SLC18A2: variants seen among roughly 807,000 people sequenced by gnomAD.
SLC18A2 encodes solute carrier family 18 member A2.
SLC18A2 carries 33 observed loss-of-function variants against 59.2 expected under a neutral mutation model. The observed-to-expected ratio is 0.56, with a 90% CI of 0.42 to 0.75. The LOEUF is 0.75. Ranked by LOEUF, SLC18A2 falls within the 30% of genes least tolerant of loss-of-function variation. SLC18A2 has a pLI of 0.00. For synonymous variants in SLC18A2, 228 were observed against 253.5 expected (o/e 0.90, Z 0.95); for missense variants, 569 against 668.6 (o/e 0.85, Z 1.64).
At chr10:117,262,586 G>T (rs753286872) in intron 10 of SLC18A2, among the ~76,000 whole-genome samples, 1 of 151,946 alleles carries the variant, frequency 6.6e-6, no homozygotes, top group Non-Finnish European at 1.5e-5. Context: ...TTCAGGAGGC[G>T]CCCGCTGTCC....
intron 2 of SLC18A2, among the ~76,000 whole-genome samples, chr10:117,242,306 C>T (rs2619093): frequency 0.56 from 85,636 of 151,998 alleles, 26,849 homozygotes; most frequent in Middle Eastern, 0.69. Context: ...TTTCAGGAAC[C>T]ATTGCAAGAA....
rs374262508 is a variant in SLC18A2, at chr10:117,257,908, G to A, written c.991+16G>A. 26 of 1,571,586 alleles carry A rather than the reference G, an allele frequency of 1.7e-5. No homozygotes were observed. The Middle Eastern group carries it at 5.1e-4, about 31-fold the overall frequency. On this transcript the variant is annotated intron_variant, in intron 10 of 15. Transcript: ENST00000644641. Reference sequence around the variant, plus strand: ...TGGCAGCTGGGTAAGGACTGGGGTGGGCTCTTCTGATTCAAGAGCATTTGT... The same window carrying A: ...TGGCAGCTGGGTAAGGACTGGGGTGAGCTCTTCTGATTCAAGAGCATTTGT...
Position 117,269,210 on chromosome 10 carries a change from T to TAC in SLC18A2, c.1187-853_1187-852dup, listed in dbSNP as rs549020759. 0.059 allele frequency among the ~76,000 whole-genome samples: 6,005 copies of TAC among 101,792 alleles called. 378 individuals carry two copies. The highest frequency in any genetic ancestry group is 0.18 in the African/African-American group (5,513 of 31,294). 66.8% of individuals were successfully genotyped at this position (101,792 alleles called of 152,430 possible). On this transcript the variant is annotated intron_variant, in intron 13 of 15. Transcript: ENST00000644641. The surrounding 1 kb of genome is among the most constrained non-coding windows in gnomAD (Gnocchi z 5.1). ...ACACACACACCTACACACATACACA[T>TAC]ACACACACATACACAAATACAAGTA...
chr10:117,253,951 C>A (rs900682503), intron 4 of SLC18A2, 97 bp from the exon 5 acceptor site: 13 of 1,056,510 alleles, frequency 1.2e-5, no homozygotes, highest in Non-Finnish European at 1.7e-5. Context: ...CATGCAAATG[C>A]TCCACTGGGT....
intron 1 of SLC18A2, 31 bp from the exon 2 acceptor site, chr10:117,241,648 C>T: frequency 6.5e-7 from 1 of 1,530,406 alleles, no homozygotes; most frequent in African/African-American, 1.4e-5. Context: ...CCACGGCCGC[C>T]TTGGGTCCTC....
chr10:117,269,196 TAC>T lies in SLC18A2; in HGVS notation c.1187-869_1187-868del, dbSNP rs1288725767. Among the ~76,000 whole-genome samples the T allele has an allele frequency of 2.4e-4, 25 of 105,288 alleles. 2 individuals carry two copies. The highest frequency in any genetic ancestry group is 1.9e-3 in the Admixed American group (20 of 10,392). The allele number at this position is 105,288 out of a possible 152,430, so 69.1% of individuals were successfully genotyped here. A position where few individuals can be genotyped will look rare whatever the true frequency, so the allele number is the denominator to read the frequency against. On this transcript the variant is annotated intron_variant, in intron 13 of 15. Coordinates refer to ENST00000644641, the MANE Select transcript of SLC18A2 (RefSeq NM_003054.6). The surrounding 1 kb of genome is among the most constrained non-coding windows in gnomAD (Gnocchi z 5.1). ...ACATATACACACATACACACACACC[TAC>T]ACACATACACATACACACACATACA...
rs1844545086 is a variant in SLC18A2 at position 117,279,265 on chromosome 10, A to G, written c.*1999A>G. ...GTACATACCAGAACAAAGAACATAC[A>G]GCTCTCTGAACATTTATTTTTTGAA... On this transcript the variant is annotated 3_prime_UTR_variant, in exon 16 of 16. Transcript: ENST00000644641. 6.6e-6 allele frequency: 1 copy of G among 152,218 alleles called. No homozygotes were observed. Among genetic ancestry groups the G allele is most frequent in the South Asian group, 2.1e-4 (1 of 4,834 alleles). 9.4% of individuals were successfully genotyped at this position (152,218 alleles called of 1,614,324 possible). A position where few individuals can be genotyped will look rare whatever the true frequency, so the allele number is the denominator to read the frequency against.
At chr10:117,241,616 G>C in intron 1 of SLC18A2, 63 bp from the exon 2 acceptor site, 1 of 1,459,824 alleles carries the variant, frequency 6.9e-7, no homozygotes. Flanking sequence ...TCCGCGGCCT[G>C]GGGGACGGGA....
chr10:117,262,906 A>G (rs1348352735), intron 10 of SLC18A2, among the ~76,000 whole-genome samples: 1 of 152,114 alleles, frequency 6.6e-6, no homozygotes. Flanking sequence ...TTTTGTGCTC[A>G]TCCTCTTCAG....
In SLC18A2 at chr10:117,270,121, C is replaced by A. The variant is rs775593356; in HGVS notation, c.1237C>A (p.Arg413=). The A allele has an allele frequency of 6.2e-7, 1 of 1,614,016 alleles. No homozygotes were observed. The highest frequency in any genetic ancestry group is 8.5e-7 in the Non-Finnish European group (1 of 1,180,024). Reference sequence around the variant, plus strand: ...TATCATGGGCTACCTCGTAGACCTGCGGCACGTGTCCGTCTATGGGAGTGT... The same window carrying A: ...TATCATGGGCTACCTCGTAGACCTGAGGCACGTGTCCGTCTATGGGAGTGT... ...MPIMGYLVDL[R]HVSVYGSVYA... is the part of the protein sequence containing the mutation. Residue 413 remains arginine, a synonymous_variant, in exon 14 of 16, where the codon CGG becomes AGG. Coordinates refer to ENST00000644641, the MANE Select transcript of SLC18A2 (RefSeq NM_003054.6).
chr10:117,257,868 A>T lies in SLC18A2; in HGVS notation c.967A>T (p.Met323Leu), dbSNP rs1844247916. The T allele has an allele frequency of 1.2e-6, 2 of 1,611,810 alleles. No homozygotes were observed. The highest frequency in any genetic ancestry group is 2.2e-5 in the East Asian group (1 of 44,788). ...PALPIWMMET[M>L]CSRKWQLGVA... ...CCTGCCCATCTGGATGATGGAGACC[A>T]TGTGTTCCCGAAAGTGGCAGCTGGG... The change falls in exon 10 of 16, where the codon ATG becomes TTG. Residue 323 changes from methionine to leucine, a missense_variant. Met to Leu is a conservative substitution (Grantham distance 15). Around this residue, in one of 2 missense-constraint regions of SLC18A2, gnomAD observed 192 missense variants for 278.8 expected, o/e 0.69. Coordinates refer to ENST00000644641, the MANE Select transcript of SLC18A2 (RefSeq NM_003054.6).
In SLC18A2 at chr10:117,241,936, C is replaced by T. The variant is rs1053359428; in HGVS notation, c.121+122C>T. ...AGGCCCGGGAAAGTTGGAGAACTCG[C>T]TTTGCAAAAAAGACATCCCCTCCAG... On this transcript the variant is annotated intron_variant, in intron 2 of 15. Transcript: ENST00000644641. 8.5e-6 allele frequency: 9 copies of T among 1,062,054 alleles called. No homozygotes were observed. The African/African-American group carries it at 1.3e-4, about 16-fold the overall frequency. 65.8% of individuals were successfully genotyped at this position (1,062,054 alleles called of 1,614,324 possible). A position where few individuals can be genotyped will look rare whatever the true frequency, so the allele number is the denominator to read the frequency against.
At chr10:117,255,964 A>G (rs1446175204) in intron 9 of SLC18A2, among the ~76,000 whole-genome samples, 1 of 152,074 alleles carries the variant, frequency 6.6e-6, no homozygotes, top group African/African-American at 2.4e-5. Flanking sequence ...AAGCTTGCCC[A>G]CTGTGTTTGT....
At chr10:117,256,229 T>C (rs1844228583) in intron 9 of SLC18A2, among the ~76,000 whole-genome samples, 1 of 152,204 alleles carries the variant, frequency 6.6e-6, no homozygotes, top group African/African-American at 2.4e-5. Flanking sequence ...TGGGGTTTTG[T>C]GACTCTTGGG....
At position 117,277,235 on chromosome 10, in the gene SLC18A2, T is replaced by C. The variant is rs1203908069; in HGVS notation, c.1514T>C (p.Ile505Thr). The C allele has an allele frequency of 3.1e-6, 5 of 1,609,728 alleles. No homozygotes were observed. Among genetic ancestry groups the C allele is most frequent in the Admixed American group, 1.7e-5 (1 of 59,870 alleles). Residue 505 changes from isoleucine (I) to threonine (T), a missense_variant, in exon 16 of 16, where the codon ATA becomes ACA. Physicochemically the swap from Ile to Thr is moderately conservative, Grantham distance 89. Around this residue, in one of 2 missense-constraint regions of SLC18A2, gnomAD observed 192 missense variants for 278.8 expected, o/e 0.69. Transcript: ENST00000644641. Reference protein sequence around the residue: ...YTQNNIQSYPIGEDEESESD With the variant: ...YTQNNIQSYPTGEDEESESD Reference sequence around the variant, plus strand: ...CAGAATAATATCCAGTCATATCCGATAGGTGAAGATGAAGAATCTGAAAGT... The same window carrying C: ...CAGAATAATATCCAGTCATATCCGACAGGTGAAGATGAAGAATCTGAAAGT...
Position 117,241,711 on chromosome 10 carries a change from G to GGC in SLC18A2, c.21_22dup (p.Leu8ArgfsTer90). 6.2e-7 allele frequency: 1 copy of GGC among 1,601,936 alleles called. No individual in the cohort carries two copies. Among genetic ancestry groups the GGC allele is most frequent in the Non-Finnish European group, 8.5e-7 (1 of 1,175,558 alleles). On this transcript the variant is annotated frameshift_variant, in exon 2 of 16. Coordinates refer to ENST00000644641, the MANE Select transcript of SLC18A2 (RefSeq NM_003054.6). LOFTEE classifies it high-confidence loss of function. ...CCGGAGCCATGGCCCTGAGCGAGCT[G>GGC]GCGCTGGTCCGCTGGCTGCAGGAGA... is the stretch of plus-strand genomic sequence containing the variant.
chr10:117,265,464 C>T (rs951296889), intron 10 of SLC18A2, among the ~76,000 whole-genome samples: 7 of 152,074 alleles, frequency 4.6e-5, no homozygotes, highest in Admixed American at 3.9e-4. Context: ...AACAAAGTAA[C>T]TTTTACTATG....
rs554902454 is a variant in SLC18A2 at position 117,269,356 on chromosome 10, A to C, written c.1187-715A>C. 1.3e-5 allele frequency among the ~76,000 whole-genome samples: 2 copies of C among 152,146 alleles called. No individual in the cohort carries two copies. The highest frequency in any genetic ancestry group is 4.8e-5 in the African/African-American group (2 of 41,426). On this transcript the variant is annotated intron_variant, in intron 13 of 15. Coordinates refer to ENST00000644641, the MANE Select transcript of SLC18A2 (RefSeq NM_003054.6). The surrounding 1 kb of genome is among the most constrained non-coding windows in gnomAD (Gnocchi z 5.1). The stretch of plus-strand genomic sequence containing the variant: ...AATACACATACACACATGCATACAC[A>C]CATATACATAGACATACACAGATAC...
chr10:117,257,393 G>C (rs1467418057), intron 9 of SLC18A2, among the ~76,000 whole-genome samples: 1 of 152,024 alleles, frequency 6.6e-6, no homozygotes, highest in Non-Finnish European at 1.5e-5. Flanking sequence ...ATATTGCACA[G>C]TAAAACACAG....
Sources: gnomAD v4.1 joint callset for allele counts (sites outside exome capture counted in the v4.1 genomes callset) on GRCh38, gnomAD v4.1.1 for gene constraint, gnomAD v4.1.1 regional missense constraint, Gnocchi (gnomAD v3.1) non-coding constraint, MANE v1.5 for transcripts, NCBI Gene and HGNC (gene_info 2026-07-23, HGNC 2026-07-21) for gene names.